Variants in POLR1B observed in about 807,000 individuals in gnomAD.
The protein encoded by POLR1B is DNA-directed RNA polymerase I subunit RPA2.
In POLR1B, 30 loss-of-function variants were observed where a neutral mutation model predicts 105.8. That is an observed-to-expected ratio of 0.28 (90% CI 0.21 to 0.38). The LOEUF (loss-of-function observed/expected upper bound fraction) is 0.38, where lower values mean the gene tolerates loss of function less well. Ranked by LOEUF, POLR1B falls within the 10% of genes least tolerant of loss-of-function variation. POLR1B has a pLI of 1.00. For synonymous variants in POLR1B, 485 were observed against 505.1 expected (o/e 0.96, Z 0.53); for missense variants, 976 against 1,435.8 (o/e 0.68, Z 5.17).
chr2:112,547,603 A>G lies in POLR1B; in HGVS notation c.492+36A>G, dbSNP rs760650797. The stretch of plus-strand genomic sequence containing the variant: ...GCGTCCAGGCATGAGACAGTAGAGA[A>G]GGCCTGGGTTGGGAGTAAGAAGACA... On this transcript the variant is annotated intron_variant, in intron 3 of 14. Transcript: ENST00000263331. 3.1e-6 allele frequency: 5 copies of G among 1,595,554 alleles called. No individual in the cohort carries two copies. In the South Asian group the frequency reaches 5.7e-5, roughly 18 times the overall value.
At chr2:112,544,484 A>T (rs1293802560) in intron 1 of POLR1B, among the ~76,000 whole-genome samples, 1 of 152,208 alleles carries the variant, frequency 6.6e-6, no homozygotes, top group Non-Finnish European at 1.5e-5. Context: ...TTTTTAAGAA[A>T]AATATTTTCC....
intron 13 of POLR1B, 105 bp downstream of exon 13, chr2:112,572,863 T>G (rs1684662909): frequency 3.1e-6 from 3 of 957,310 alleles, no homozygotes; most frequent in South Asian, 3.8e-5. Context: ...GTACCTAGTA[T>G]TTGGCACGTG....
chr2:112,571,716 A>G (rs1360549991), intron 12 of POLR1B, among the ~76,000 whole-genome samples: 1 of 152,166 alleles, frequency 6.6e-6, no homozygotes, highest in Admixed American at 6.5e-5. Context: ...TCATGCTCAG[A>G]ACTCTATTTC....
intron 2 of POLR1B, 114 bp downstream of exon 2, chr2:112,547,293 T>C (rs1463782776): frequency 6.7e-7 from 1 of 1,484,528 alleles, no homozygotes; most frequent in Non-Finnish European, 9.2e-7. Flanking sequence ...GTCTAAGAGA[T>C]CCCACCTTCT....
upstream of POLR1B, chr2:112,542,155 A>G (rs1290310069): frequency 1.3e-6 from 2 of 1,535,606 alleles, no homozygotes; most frequent in Non-Finnish European, 1.7e-6. Context: ...TGAGCCAATG[A>G]GAGCCAAAGA....
At chr2:112,555,358 A>C (rs1184070150) in intron 7 of POLR1B, among the ~76,000 whole-genome samples, 2 of 151,638 alleles carry the variant, frequency 1.3e-5, no homozygotes, top group Non-Finnish European at 2.9e-5. Flanking sequence ...AAAGAAAAAA[A>C]CACCTGGTGC....
chr2:112,552,940 TTTTG>T, intron 7 of POLR1B, 124 bp downstream of exon 7: 1 of 927,074 alleles, frequency 1.1e-6, no homozygotes, highest in Non-Finnish European at 1.5e-6. Context: ...GTGGTCTCTT[TTTTG>T]TTTGTTCATT....
At chr2:112,572,806 T>C in intron 13 of POLR1B, 48 bp downstream of exon 13, 1 of 1,465,960 alleles carries the variant, frequency 6.8e-7, no homozygotes, top group South Asian at 1.4e-5. Flanking sequence ...TTTTTTAACT[T>C]GTTTGTTTAC....
At chr2:112,574,703 CAG>C in intron 14 of POLR1B, 142 bp from the exon 15 acceptor site, 1 of 755,340 alleles carries the variant, frequency 1.3e-6, no homozygotes, top group Non-Finnish European at 2.0e-6. Flanking sequence ...GCCTGGGCAA[CAG>C]AGTGAGACCC....
At position 112,547,571 on chromosome 2, in the gene POLR1B, A is replaced by G. The variant is rs1182824289; in HGVS notation, c.492+4A>G. The G allele has an allele frequency of 5.6e-6, 9 of 1,613,736 alleles. No homozygotes were observed. Among genetic ancestry groups the G allele is most frequent in the Non-Finnish European group, 7.6e-6 (9 of 1,179,930 alleles). ...TGAGCACCATGAGGAGGCAGAGGTA[A>G]TGACGGGCGTCCAGGCATGAGACAG... On this transcript the variant is annotated splice_donor_region_variant and intron_variant, in intron 3 of 14. Transcript: ENST00000263331.
At chr2:112,555,138 G>A (rs1487649571) in intron 7 of POLR1B, among the ~76,000 whole-genome samples, 3 of 152,074 alleles carry the variant, frequency 2.0e-5, no homozygotes, top group Non-Finnish European at 2.9e-5. Context: ...TTGAGATCAC[G>A]CCACTGCACT....
In POLR1B at chr2:112,552,635, G is replaced by C; in HGVS notation, c.987-10G>C. On this transcript the variant is annotated splice_polypyrimidine_tract_variant and intron_variant, in intron 6 of 14. Transcript: ENST00000263331. ...TTGTTTTAAGCTTTTTTTTTTTTCT[G>C]TTTTCACAGCCAGTGCATCTGTATC... 1 of 1,480,160 alleles carries C rather than the reference G, an allele frequency of 6.8e-7. No individual in the cohort carries two copies. The highest frequency in any genetic ancestry group is 1.5e-5 in the African/African-American group (1 of 67,668). 91.7% of individuals were successfully genotyped at this position (1,480,160 alleles called of 1,614,324 possible). A position where few individuals can be genotyped will look rare whatever the true frequency, so the allele number is the denominator to read the frequency against.
intron 9 of POLR1B, among the ~76,000 whole-genome samples, chr2:112,562,218 C>T (rs1487773410): frequency 1.3e-5 from 2 of 152,058 alleles, no homozygotes; most frequent in Non-Finnish European, 2.9e-5. Context: ...TTTGTGGTTA[C>T]AGAGATAATG....
At chr2:112,548,925 T>G (rs1683214349) in intron 3 of POLR1B, among the ~76,000 whole-genome samples, 1 of 152,212 alleles carries the variant, frequency 6.6e-6, no homozygotes, top group African/African-American at 2.4e-5. Context: ...TTTTTATCTT[T>G]CAACACCTCT....
In POLR1B at chr2:112,559,388, G is replaced by A. The variant is rs776112045; in HGVS notation, c.1426G>A (p.Ala476Thr). Residue 476 changes from alanine to threonine, a missense_variant, in exon 9 of 15, where the codon GCT (alanine) becomes ACT (threonine). Physicochemically the swap from Ala to Thr is moderately conservative, Grantham distance 58. Around this residue, in one of 12 missense-constraint regions of POLR1B, gnomAD observed 452 missense variants for 616.5 expected, o/e 0.73. Coordinates refer to ENST00000263331, the MANE Select transcript of POLR1B (RefSeq NM_019014.6). ...CCATTTCCGCTGCGTGCACAGAGGG[G>A]CTGATTTTGCCAAGATGAGGACCAC... ...LSHFRCVHRGADFAKMRTTTV... is the reference protein window; with the variant it reads ...LSHFRCVHRGTDFAKMRTTTV... 1.2e-6 allele frequency: 2 copies of A among 1,614,204 alleles called. No homozygotes were observed. Among genetic ancestry groups the A allele is most frequent in the Admixed American group, 3.3e-5 (2 of 60,030 alleles).
Position 112,578,552 on chromosome 2 carries a change from C to T in POLR1B, c.*2823C>T, listed in dbSNP as rs912939316. On this transcript the variant is annotated 3_prime_UTR_variant, in exon 15 of 15. Coordinates refer to ENST00000263331, the MANE Select transcript of POLR1B (RefSeq NM_019014.6). ...TAGTATGAATATACTATGTACATAG[C>T]ATATATATTTATAGTTTAACCATTC... is the stretch of plus-strand genomic sequence containing the variant. Among the ~76,000 whole-genome samples, 1 of 152,038 alleles carries T rather than the reference C, an allele frequency of 6.6e-6. No individual in the cohort carries two copies. The highest frequency in any genetic ancestry group is 1.5e-5 in the Non-Finnish European group (1 of 68,002).
intron 7 of POLR1B, among the ~76,000 whole-genome samples, chr2:112,555,278 G>A (rs1365298120): frequency 6.6e-6 from 1 of 151,436 alleles, no homozygotes; most frequent in Non-Finnish European, 1.5e-5. Flanking sequence ...GGTCAAGGCT[G>A]CAATAAGGGG....
chr2:112,572,895 T>A, intron 13 of POLR1B, 137 bp downstream of exon 13: 1 of 710,720 alleles, frequency 1.4e-6, no homozygotes, highest in Non-Finnish European at 2.2e-6. Flanking sequence ...AATGATTAGT[T>A]CTTAGTCTAA....
At chr2:112,562,555 A>C (rs900706671) in intron 9 of POLR1B, among the ~76,000 whole-genome samples, 1 of 152,106 alleles carries the variant, frequency 6.6e-6, no homozygotes, top group African/African-American at 2.4e-5. Context: ...CTATGCTGTA[A>C]ATATTTCAAT....
Sources: gnomAD v4.1 joint callset for allele counts (sites outside exome capture counted in the v4.1 genomes callset) on GRCh38, gnomAD v4.1.1 for gene constraint, gnomAD v4.1.1 regional missense constraint, MANE v1.5 for transcripts, NCBI Gene and HGNC (gene_info 2026-07-23, HGNC 2026-07-21) for gene names.